The following MAP3K21 variants were observed in gnomAD, a reference collection of about 807,000 sequenced individuals.
MAP3K21 encodes the protein mitogen-activated protein kinase kinase kinase MLK4.
In MAP3K21, 63 loss-of-function variants were observed where a neutral mutation model predicts 86.1. The observed-to-expected ratio is 0.73, with a 90% CI of 0.60 to 0.90. The LOEUF is 0.90. MAP3K21 is among the 40% of genes least tolerant of loss of function. MAP3K21 has a pLI of 0.00. For missense variants in MAP3K21, 1,220 were observed against 1,367.7 expected, an observed-to-expected ratio of 0.89 and a Z score of 1.70; for synonymous variants, 558 against 564.8, an observed-to-expected ratio of 0.99 and a Z score of 0.17.
At chr1:233,331,480 G>A (rs1285255664) in intron 1 of MAP3K21, among the ~76,000 whole-genome samples, 4 of 152,164 alleles carry the variant, frequency 2.6e-5, no homozygotes, top group Non-Finnish European at 5.9e-5. Context: ...GATATATGAA[G>A]CTATGACTTC....
At chr1:233,368,991 A>G (rs1663633736) in intron 5 of MAP3K21, among the ~76,000 whole-genome samples, 2 of 152,206 alleles carry the variant, frequency 1.3e-5, no homozygotes, top group African/African-American at 4.8e-5. Context: ...GGAGACTGTC[A>G]TGGTCACTGC....
At chr1:233,350,273 G>A (rs902041933) in intron 2 of MAP3K21, among the ~76,000 whole-genome samples, 3 of 151,670 alleles carry the variant, frequency 2.0e-5, no homozygotes, top group African/African-American at 7.3e-5. Flanking sequence ...TTTTCCACAC[G>A]TGATTGCTTG....
At position 233,382,491 on chromosome 1, in the gene MAP3K21, C is replaced by G; in HGVS notation, c.2891C>G (p.Ala964Gly). 6.2e-7 allele frequency: 1 copy of G among 1,614,202 alleles called. No individual in the cohort carries two copies. Among genetic ancestry groups the G allele is most frequent in the African/African-American group, 1.3e-5 (1 of 75,060 alleles). ...CTGCCTCAGGCTTACCCACAGACAG[C>G]AGTGTCTCAGCTGGCACAGACTGCC... ...SDLPQAYPQT[A>G]VSQLAQTACV... The change falls in exon 10 of 10, where the codon GCA (alanine) becomes GGA (glycine). Residue 964 changes from alanine to glycine, a missense_variant. This residue lies in a region of MAP3K21 where 632 missense variants were observed against 691.3 expected (regional missense o/e 0.91). Coordinates refer to ENST00000366624, the MANE Select transcript of MAP3K21 (RefSeq NM_032435.3).
intron 1 of MAP3K21, among the ~76,000 whole-genome samples, chr1:233,331,203 C>A (rs937153377): frequency 6.6e-6 from 1 of 152,144 alleles, no homozygotes; most frequent in Non-Finnish European, 1.5e-5. Context: ...CCAAACTTCC[C>A]GGAGTATTTT....
At chr1:233,349,453 G>A (rs1005331195) in intron 2 of MAP3K21, among the ~76,000 whole-genome samples, 69 of 152,056 alleles carry the variant, frequency 4.5e-4, no homozygotes, top group Non-Finnish European at 4.3e-4. Flanking sequence ...AATGCTGTGC[G>A]GTCATGCTCT....
intron 1 of MAP3K21, among the ~76,000 whole-genome samples, chr1:233,334,960 TTTC>T (rs1662884406): frequency 3.5e-5 from 2 of 57,230 alleles, no homozygotes; most frequent in Admixed American, 2.0e-4. Context: ...GATTTCTTTC[TTTC>T]TTTTTTTTTT....
intron 2 of MAP3K21, among the ~76,000 whole-genome samples, chr1:233,349,296 A>C (rs911297687): frequency 3.3e-5 from 5 of 152,258 alleles, no homozygotes; most frequent in African/African-American, 7.2e-5. Flanking sequence ...GACATTGGCT[A>C]TCTTTTTAAG....
chr1:233,329,072 CT>C (rs1175073314), intron 1 of MAP3K21, among the ~76,000 whole-genome samples: 1 of 152,158 alleles, frequency 6.6e-6, no homozygotes, highest in Non-Finnish European at 1.5e-5. Context: ...TCAGACCAGA[CT>C]TGCTTGTAGA....
At chr1:233,368,938 A>G (rs1260859695) in intron 5 of MAP3K21, among the ~76,000 whole-genome samples, 2 of 152,150 alleles carry the variant, frequency 1.3e-5, no homozygotes, top group African/African-American at 4.8e-5. Context: ...AAAGTTTTCT[A>G]AGTACCTGTA....
At chr1:233,367,453 G>T (rs1416230798) in intron 5 of MAP3K21, among the ~76,000 whole-genome samples, 1 of 152,192 alleles carries the variant, frequency 6.6e-6, no homozygotes, top group Non-Finnish European at 1.5e-5. Flanking sequence ...TGAGTACAAA[G>T]AAAATCTGAG....
Position 233,382,829 on chromosome 1 carries a change from A to G in MAP3K21, c.*118A>G. 1 of 847,396 alleles carries G rather than the reference A, an allele frequency of 1.2e-6. No homozygotes were observed. The highest frequency in any genetic ancestry group is 1.8e-6 in the Non-Finnish European group (1 of 554,830). 52.5% of individuals were successfully genotyped at this position (847,396 alleles called of 1,614,324 possible). A position where few individuals can be genotyped will look rare whatever the true frequency, so the allele number is the denominator to read the frequency against. On this transcript the variant is annotated 3_prime_UTR_variant, in exon 10 of 10. Coordinates refer to ENST00000366624, the MANE Select transcript of MAP3K21 (RefSeq NM_032435.3). ...TCAAAAGCTGTGGCCATGTTCCTAAATTAGTAAGATATATCCAGCTTCTCA... is the reference window on the plus strand; with the variant it reads ...TCAAAAGCTGTGGCCATGTTCCTAAGTTAGTAAGATATATCCAGCTTCTCA...
chr1:233,373,811 A>G (rs1663733350), intron 6 of MAP3K21: 2 of 152,210 alleles, frequency 1.3e-5, no homozygotes, highest in Admixed American at 1.3e-4. Context: ...ATTCAGACAC[A>G]TCTGAGTGTA....
chr1:233,378,964 G>T lies in MAP3K21; in HGVS notation c.1958G>T (p.Gly653Val). Residue 653 changes from glycine to valine, a missense_variant, in exon 9 of 10, where the codon GGA becomes GTA. Gly to Val is a moderately radical substitution (Grantham distance 109). Coordinates refer to ENST00000366624, the MANE Select transcript of MAP3K21 (RefSeq NM_032435.3). ...GAAGAGCCAAAACTTTCCCCTGATG[G>T]ATTAGAACACAGAAAACCAAAACAA... ...SCEEPKLSPD[G>V]LEHRKPKQIK... 6.2e-7 allele frequency: 1 copy of T among 1,613,732 alleles called. No homozygotes were observed. Among genetic ancestry groups the T allele is most frequent in the South Asian group, 1.1e-5 (1 of 91,044 alleles).
rs745954284 is a variant in MAP3K21, at chr1:233,379,204, T to G, written c.2198T>G (p.Val733Gly). The G allele has an allele frequency of 6.2e-7, 1 of 1,614,148 alleles. No homozygotes were observed. The highest frequency in any genetic ancestry group is 8.5e-7 in the Non-Finnish European group (1 of 1,180,004). The change falls in exon 9 of 10, where the codon GTG becomes GGG. Residue 733 changes from valine to glycine, a missense_variant. This residue lies in a region of MAP3K21 where 632 missense variants were observed against 691.3 expected (regional missense o/e 0.91). Coordinates refer to ENST00000366624, the MANE Select transcript of MAP3K21 (RefSeq NM_032435.3). ...GGGTGCACCGTCCTTCTGGCATCGG[T>G]GGCTCTGGGACTGGACCTCAGAGAG... The part of the protein sequence containing the change: ...LYGCTVLLAS[V>G]ALGLDLRELH...
intron 2 of MAP3K21, among the ~76,000 whole-genome samples, chr1:233,351,271 G>A (rs1172985991): frequency 6.6e-6 from 1 of 152,120 alleles, no homozygotes; most frequent in Admixed American, 6.5e-5. Context: ...AATAGTTACA[G>A]CATTGTATAA....
intron 5 of MAP3K21, among the ~76,000 whole-genome samples, chr1:233,371,749 TTGTGTGTG>T (rs71574858): frequency 0.18 from 26,620 of 147,686 alleles, 2,476 homozygotes; most frequent in East Asian, 0.3. Context: ...ATATTTTCCT[TTGTGTGTG>T]TGTGTGTGTG....
chr1:233,354,990 TG>T lies in MAP3K21; in HGVS notation c.1291del (p.Glu431SerfsTer2), dbSNP rs751165432. On this transcript the variant is annotated frameshift_variant, in exon 4 of 10. Transcript: ENST00000366624. LOFTEE classifies it high-confidence loss of function. ...WKLEIQQMFD[E>X]LRTKEKELRS... ...AACTAGAAATTCAACAAATGTTTGA[TG>T]AGTTGAGAACAAAGGAAAAGGTGAG... is the stretch of plus-strand genomic sequence containing the variant. 7.4e-6 allele frequency: 12 copies of T among 1,613,850 alleles called. No homozygotes were observed. The highest frequency in any genetic ancestry group is 1.0e-5 in the Non-Finnish European group (12 of 1,179,762).
intron 1 of MAP3K21, among the ~76,000 whole-genome samples, chr1:233,342,769 GTC>G: frequency 6.6e-6 from 1 of 152,150 alleles, no homozygotes; most frequent in Non-Finnish European, 1.5e-5. Flanking sequence ...ATGGAAGTGG[GTC>G]TCTGATTTCC....
At chr1:233,374,744 A>T (rs978840294) in intron 6 of MAP3K21, among the ~76,000 whole-genome samples, 3 of 151,932 alleles carry the variant, frequency 2.0e-5, no homozygotes, top group African/African-American at 7.3e-5. Flanking sequence ...CATAATTTTT[A>T]ATGAAAATGT....
Sources: gnomAD v4.1 joint callset for allele counts (sites outside exome capture counted in the v4.1 genomes callset) on GRCh38, gnomAD v4.1.1 for gene constraint, gnomAD v4.1.1 regional missense constraint, MANE v1.5 for transcripts, NCBI Gene and HGNC (gene_info 2026-07-23, HGNC 2026-07-21) for gene names.